PTPRG: variants seen among roughly 807,000 people sequenced by gnomAD.
PTPRG encodes receptor-type tyrosine-protein phosphatase gamma.
A neutral mutation model predicts 165.3 loss-of-function variants in PTPRG; 102 were observed. The observed-to-expected ratio is 0.62, with a 90% CI of 0.53 to 0.73. The LOEUF (loss-of-function observed/expected upper bound fraction) is 0.73. Ranked by LOEUF, PTPRG falls within the 30% of genes least tolerant of loss-of-function variation. The pLI is 0.00. For missense variants in PTPRG, 1,866 were observed against 1,861.4 expected, an observed-to-expected ratio of 1.00 and a Z score of -0.05; for synonymous variants, 675 against 669.5, an observed-to-expected ratio of 1.01 and a Z score of -0.13.
intron 2 of PTPRG, among the ~76,000 whole-genome samples, chr3:61,790,168 C>T (rs2034828851): frequency 6.6e-6 from 1 of 152,160 alleles, no homozygotes; most frequent in Non-Finnish European, 1.5e-5. Context: ...GTTGCCCTCT[C>T]TCCATTTCAC....
chr3:62,046,452 A>C (rs905077678), intron 4 of PTPRG, among the ~76,000 whole-genome samples: 31 of 152,166 alleles, frequency 2.0e-4, no homozygotes, highest in Admixed American at 8.5e-4. Flanking sequence ...TTATGTATAC[A>C]CTTCCTGAGC....
intron 1 of PTPRG, among the ~76,000 whole-genome samples, chr3:61,657,776 C>T (rs1702547370): frequency 3.3e-5 from 5 of 152,182 alleles, no homozygotes; most frequent in Admixed American, 3.3e-4. Context: ...TTTAGAGTTC[C>T]CACGCTTAAA....
chr3:61,764,880 A>G (rs997867702), intron 2 of PTPRG, among the ~76,000 whole-genome samples: 1 of 152,132 alleles, frequency 6.6e-6, no homozygotes, highest in Non-Finnish European at 1.5e-5. Flanking sequence ...GGTTGTGACA[A>G]TTGGAGATGG....
At chr3:62,056,066 A>C (rs796538090) in intron 4 of PTPRG, among the ~76,000 whole-genome samples, 16 of 152,360 alleles carry the variant, frequency 1.1e-4, no homozygotes, top group African/African-American at 3.6e-4. Flanking sequence ...CAAGGCTCTA[A>C]CAACTGTGCC....
chr3:62,281,737 T>C (rs778012623), intron 27 of PTPRG, 28 bp downstream of exon 27: 2 of 1,586,806 alleles, frequency 1.3e-6, no homozygotes, highest in South Asian at 2.3e-5. Flanking sequence ...TCCTCACTAA[T>C]AGCCATACCT....
intron 2 of PTPRG, among the ~76,000 whole-genome samples, chr3:61,912,206 C>G (rs2038818565): frequency 6.6e-6 from 1 of 151,918 alleles, no homozygotes; most frequent in Non-Finnish European, 1.5e-5. Flanking sequence ...TTTAGAAATA[C>G]CCCTTCTTTA....
intron 4 of PTPRG, among the ~76,000 whole-genome samples, chr3:62,034,981 G>A (rs1244415744): frequency 6.6e-6 from 1 of 152,294 alleles, no homozygotes; most frequent in Non-Finnish European, 1.5e-5. Context: ...TTCAGGTGAT[G>A]GATGGGAATA....
intron 5 of PTPRG, among the ~76,000 whole-genome samples, chr3:62,099,071 G>A (rs1702205669): frequency 6.6e-6 from 1 of 152,184 alleles, no homozygotes; most frequent in African/African-American, 2.4e-5. Flanking sequence ...TACACATATA[G>A]TTGCATTTCT....
rs569672085 is a variant in PTPRG at position 62,224,144 on chromosome 3, C to T, written c.2288+5161C>T. On this transcript the variant is annotated intron_variant, in intron 13 of 29. Transcript: ENST00000474889. The surrounding 1 kb of genome is among the most constrained non-coding windows in gnomAD (Gnocchi z 4.9). ...TCCAGAGGAGGACATCCCTAAATAACTGGGTTAAAGACATGACCCCACTCC... is the reference window on the plus strand; with the variant it reads ...TCCAGAGGAGGACATCCCTAAATAATTGGGTTAAAGACATGACCCCACTCC... Among the ~76,000 whole-genome samples the T allele has an allele frequency of 9.9e-5, 15 of 152,034 alleles. No individual in the cohort carries two copies. Among genetic ancestry groups the T allele is most frequent in the Non-Finnish European group, 1.5e-4 (10 of 68,008 alleles).
intron 2 of PTPRG, among the ~76,000 whole-genome samples, chr3:61,942,015 C>T (rs2039644156): frequency 6.6e-6 from 1 of 151,932 alleles, no homozygotes; most frequent in Non-Finnish European, 1.5e-5. Context: ...AAAAAATTAG[C>T]CAGGCGCGGT....
At chr3:61,934,727 A>G (rs891465687) in intron 2 of PTPRG, among the ~76,000 whole-genome samples, 2 of 152,090 alleles carry the variant, frequency 1.3e-5, no homozygotes, top group Non-Finnish European at 2.9e-5. Flanking sequence ...ATTCACATGT[A>G]CATCCCTAGC....
chr3:61,830,577 T>TTTTTG (rs2036255569), intron 2 of PTPRG, among the ~76,000 whole-genome samples: 1 of 144,610 alleles, frequency 6.9e-6, no homozygotes, highest in Admixed American at 6.9e-5. Flanking sequence ...TTTTTTTTTT[T>TTTTTG]TTTTTTTTTT....
At chr3:62,107,117 C>A (rs547056974) in intron 5 of PTPRG, among the ~76,000 whole-genome samples, 1 of 152,144 alleles carries the variant, frequency 6.6e-6, no homozygotes, top group African/African-American at 2.4e-5. Context: ...GAAATAGAAA[C>A]GACAGTCATA....
At chr3:62,266,660 G>A (rs1250080724) in intron 17 of PTPRG, among the ~76,000 whole-genome samples, 1 of 151,474 alleles carries the variant, frequency 6.6e-6, no homozygotes, top group Non-Finnish European at 1.5e-5. Context: ...TCCACTCATT[G>A]GACTTCTTTT....
chr3:61,998,959 T>G (rs559741078), intron 3 of PTPRG, among the ~76,000 whole-genome samples: 1 of 152,322 alleles, frequency 6.6e-6, no homozygotes, highest in South Asian at 2.1e-4. Flanking sequence ...ACCAGCAGAT[T>G]CAGTATCTGG....
intron 1 of PTPRG, chr3:61,742,877 T>C: frequency 6.5e-7 from 1 of 1,544,892 alleles, no homozygotes; most frequent in Non-Finnish European, 8.9e-7. Context: ...TCCACGGCCT[T>C]AGCCTCGTCA....
At chr3:61,756,544 C>A (rs1372980010) in intron 2 of PTPRG, among the ~76,000 whole-genome samples, 1 of 152,172 alleles carries the variant, frequency 6.6e-6, no homozygotes, top group African/African-American at 2.4e-5. Flanking sequence ...GTTGTTCTCT[C>A]TACTTAGAGT....
chr3:61,742,444 T>G (rs1181571104), intron 1 of PTPRG: 8 of 1,440,186 alleles, frequency 5.6e-6, no homozygotes, highest in Admixed American at 4.4e-5. Flanking sequence ...TAGAATTTAT[T>G]CAAATGTGCC....
chr3:62,223,587 G>T (rs1196387164), intron 13 of PTPRG, among the ~76,000 whole-genome samples: 4 of 152,094 alleles, frequency 2.6e-5, no homozygotes. Flanking sequence ...CACCAACTTC[G>T]GTTTCCTCAT....
Sources: gnomAD v4.1 joint callset for allele counts (sites outside exome capture counted in the v4.1 genomes callset) on GRCh38, gnomAD v4.1.1 for gene constraint, Gnocchi (gnomAD v3.1) non-coding constraint, MANE v1.5 for transcripts, NCBI Gene and HGNC (gene_info 2026-07-23, HGNC 2026-07-21) for gene names.